The following OLFM1 variants were observed in gnomAD, a reference collection of about 807,000 sequenced individuals.
OLFM1 encodes the protein olfactomedin 1.
A neutral mutation model predicts 49.7 loss-of-function variants in OLFM1; 9 were observed. The observed-to-expected ratio is 0.18, with a 90% confidence interval of 0.11 to 0.32. OLFM1 has a LOEUF of 0.32. Ranked by LOEUF, OLFM1 falls within the 10% of genes least tolerant of loss-of-function variation. OLFM1 has a pLI of 1.00. For missense variants in OLFM1, 369 were observed against 661.8 expected (o/e 0.56, Z 4.85); for synonymous variants, 240 against 271.8 (o/e 0.88, Z 1.15).
intron 4 of OLFM1, among the ~76,000 whole-genome samples, chr9:135,103,242 C>A (rs185537896): frequency 1.7e-3 from 265 of 152,352 alleles, no homozygotes; most frequent in African/African-American, 6.1e-3. Flanking sequence ...GTGCTCGTGA[C>A]TGGAGAGGGA....
Position 135,119,554 on chromosome 9 carries a change from G to A in OLFM1, c.834G>A (p.Lys278=), listed in dbSNP as rs1831158000. Reference sequence around the variant, plus strand: ...ACAACCGCTTCGTACGTGAGTACAAGTCCATGGTTGACTTCATGAACACGG... The same window carrying A: ...ACAACCGCTTCGTACGTGAGTACAAATCCATGGTTGACTTCATGAACACGG... ...YHNNRFVREY[K]SMVDFMNTDN... is the part of the protein sequence containing the mutation. The change falls in exon 6 of 6, where the codon AAG becomes AAA. Residue 278 remains lysine (K), a synonymous_variant. Transcript: ENST00000371793. The A allele has an allele frequency of 1.2e-6, 2 of 1,614,056 alleles. No homozygotes were observed. Among genetic ancestry groups the A allele is most frequent in the African/African-American group, 1.3e-5 (1 of 75,046 alleles).
chr9:135,081,105 T>C (rs1013631418), intron 1 of OLFM1, among the ~76,000 whole-genome samples: 8 of 152,112 alleles, frequency 5.3e-5, no homozygotes, highest in Non-Finnish European at 5.9e-5. Flanking sequence ...TTTATCATGT[T>C]GCGGCGGTCC....
chr9:135,084,163 C>T (rs1830566306), upstream of OLFM1, among the ~76,000 whole-genome samples: 1 of 152,228 alleles, frequency 6.6e-6, no homozygotes, highest in African/African-American at 2.4e-5. This position sits in a 1 kb window ranked among gnomAD's most constrained non-coding sequence, Gnocchi z 4.6. Context: ...TTCTGCCTGG[C>T]TTGAGGCCAG....
intron 2 of OLFM1, among the ~76,000 whole-genome samples, chr9:135,091,798 GTC>G (rs1491495509): frequency 1.5e-5 from 1 of 67,460 alleles, no homozygotes; most frequent in Non-Finnish European, 3.0e-5. Flanking sequence ...TAGTCACACA[GTC>G]ACACACACTC....
At chr9:135,087,475 G>C, upstream of OLFM1, 1 of 1,509,124 alleles carries the variant, frequency 6.6e-7, no homozygotes, top group African/African-American at 1.4e-5. Context: ...TGGTGTGTCC[G>C]TCTCCTCATG....
At position 135,088,276 on chromosome 9, in the gene OLFM1, C is replaced by G. The variant is rs943050902; in HGVS notation, c.150+137C>G. 1.3e-6 allele frequency: 1 copy of G among 799,886 alleles called. No homozygotes were observed. The highest frequency in any genetic ancestry group is 4.0e-5 in the East Asian group (1 of 25,082). 49.5% of individuals were successfully genotyped at this position (799,886 alleles called of 1,614,324 possible). ...GGGAGGCGGCGGGGAGCAGGGCGGG[C>G]AAGGGCAGGCGTCGCGGGCCGGCGC... On this transcript the variant is annotated intron_variant, in intron 1 of 5. Coordinates refer to ENST00000371793, the MANE Select transcript of OLFM1 (RefSeq NM_001282611.2). This position sits in a 1 kb window ranked among gnomAD's most constrained non-coding sequence, Gnocchi z 4.8.
intron 5 of OLFM1, among the ~76,000 whole-genome samples, chr9:135,109,716 CA>C (rs373108050): frequency 1.1e-4 from 16 of 146,650 alleles, no homozygotes; most frequent in African/African-American, 1.3e-4. Flanking sequence ...TAACTCGCTC[CA>C]AAAAAAAAAG....
intron 5 of OLFM1, among the ~76,000 whole-genome samples, chr9:135,119,150 T>A (rs1300526008): frequency 2.6e-5 from 4 of 151,154 alleles, no homozygotes; most frequent in African/African-American, 9.8e-5. Flanking sequence ...GTCTTTGGAG[T>A]GCTCACCGAG....
intron 2 of OLFM1, 141 bp from the exon 3 acceptor site, chr9:135,095,723 A>T: frequency 1.2e-6 from 1 of 827,768 alleles, no homozygotes; most frequent in Non-Finnish European, 2.0e-6. Context: ...GCTGGCGATT[A>T]CCTTGTAAAT....
intron 5 of OLFM1, among the ~76,000 whole-genome samples, chr9:135,109,431 G>A (rs1205963975): frequency 6.6e-6 from 1 of 152,156 alleles, no homozygotes; most frequent in Non-Finnish European, 1.5e-5. Context: ...CTGATGGTGG[G>A]TAGAGTGTGG....
chr9:135,102,604 C>T (rs186900762), intron 4 of OLFM1, among the ~76,000 whole-genome samples: 39 of 152,294 alleles, frequency 2.6e-4, no homozygotes, highest in Non-Finnish European at 5.0e-4. Context: ...CCTCAGTGGC[C>T]GCCCCAGCCC....
intron 2 of OLFM1, among the ~76,000 whole-genome samples, chr9:135,092,065 TG>T (rs1392517540): frequency 6.6e-6 from 1 of 152,146 alleles, no homozygotes; most frequent in Non-Finnish European, 1.5e-5. Flanking sequence ...GGCTCCGTGC[TG>T]GGGGGACAGA....
At chr9:135,110,766 T>G (rs1449111649) in intron 5 of OLFM1, among the ~76,000 whole-genome samples, 1 of 152,120 alleles carries the variant, frequency 6.6e-6, no homozygotes, top group African/African-American at 2.4e-5. Context: ...CCCACCTCTT[T>G]CCCACCACCC....
chr9:135,081,991 G>A (rs1830539105), intron 1 of OLFM1, among the ~76,000 whole-genome samples: 2 of 152,218 alleles, frequency 1.3e-5, no homozygotes, highest in South Asian at 4.1e-4. Flanking sequence ...CTGCTCACCT[G>A]GAGAAGGTTT....
chr9:135,116,315 G>A (rs1366210532), intron 5 of OLFM1, among the ~76,000 whole-genome samples: 1 of 152,162 alleles, frequency 6.6e-6, no homozygotes, highest in Non-Finnish European at 1.5e-5. Context: ...CAAACGCTCA[G>A]AGCGGCCTCC....
At chr9:135,089,460 G>A (rs759304105) in intron 1 of OLFM1, among the ~76,000 whole-genome samples, 2 of 152,164 alleles carry the variant, frequency 1.3e-5, no homozygotes, top group African/African-American at 2.4e-5. Flanking sequence ...GGGCAGCTCC[G>A]GTTTCTTTGG....
intron 4 of OLFM1, among the ~76,000 whole-genome samples, chr9:135,104,292 G>C (rs560901003): frequency 2.0e-5 from 3 of 152,232 alleles, no homozygotes; most frequent in Non-Finnish European, 4.4e-5. Flanking sequence ...GCAAAGCTGC[G>C]TGAACCAGCA....
intron 4 of OLFM1, 53 bp from the exon 5 acceptor site, chr9:135,106,696 C>A (rs1830948535): frequency 2.8e-6 from 4 of 1,426,914 alleles, no homozygotes; most frequent in Middle Eastern, 1.7e-4. Context: ...AGGGTCATCA[C>A]CGCGGGCCGG....
chr9:135,112,272 G>T (rs1831034026), intron 5 of OLFM1, among the ~76,000 whole-genome samples: 1 of 152,250 alleles, frequency 6.6e-6, no homozygotes. Context: ...GCTCTCAGTT[G>T]GGAGAGGCAC....
Sources: gnomAD v4.1 joint callset for allele counts (sites outside exome capture counted in the v4.1 genomes callset) on GRCh38, gnomAD v4.1.1 for gene constraint, Gnocchi (gnomAD v3.1) non-coding constraint, MANE v1.5 for transcripts, NCBI Gene and HGNC (gene_info 2026-07-23, HGNC 2026-07-21) for gene names.